The following DCHS2 variants were observed in gnomAD, a reference collection of about 807,000 sequenced individuals.
DCHS2 encodes protocadherin-23.
In DCHS2, 142 loss-of-function variants were observed where a neutral mutation model predicts 182.4. That is an observed-to-expected ratio of 0.78 (90% CI 0.68 to 0.89). The LOEUF (loss-of-function observed/expected upper bound fraction) is 0.89, where lower values mean the gene tolerates loss of function less well. Among genes scored for constraint, DCHS2 ranks in the 40% least tolerant of loss-of-function variants. The pLI is 0.00. For missense variants in DCHS2, 4,319 were observed against 4,198.6 expected, an observed-to-expected ratio of 1.03 and a Z score of -0.79; for synonymous variants, 1,740 against 1,663.3, an observed-to-expected ratio of 1.05 and a Z score of -1.12.
chr4:154,453,266 G>A (rs1267191788), intron 1 of DCHS2, among the ~76,000 whole-genome samples: 1 of 149,694 alleles, frequency 6.7e-6, no homozygotes, highest in South Asian at 2.2e-4. Flanking sequence ...ATGCGACACT[G>A]CTGGAGACAG....
At chr4:154,412,943 G>C (rs921110190) in intron 1 of DCHS2, among the ~76,000 whole-genome samples, 1 of 152,124 alleles carries the variant, frequency 6.6e-6, no homozygotes, top group Non-Finnish European at 1.5e-5. Flanking sequence ...TTGTTGAAAA[G>C]CACAGAAGTA....
chr4:154,234,702 A>C lies in DCHS2; in HGVS notation c.9950T>G (p.Leu3317Arg), dbSNP rs1304613868. 1.9e-6 allele frequency: 3 copies of C among 1,614,050 alleles called. No individual in the cohort carries two copies. The Admixed American group carries it at 5.0e-5, about 27-fold the overall frequency. ...AGTCATGCCTTCTGGCAGAGAACCA[A>C]GATGGTAGGGGATGGGAGAGCGTGG... ...KHPRSPIPYH[L>R]GSLPEGMTPN... The change falls in exon 20 of 20, where the codon CTT becomes CGT. Residue 3317 changes from leucine to arginine, a missense_variant. By Grantham distance (102) the Leu-to-Arg change is moderately radical. Transcript: ENST00000357232.
In DCHS2 at chr4:154,270,005, T is replaced by C. The variant is rs138200715; in HGVS notation, c.6472A>G (p.Ile2158Val). The C allele has an allele frequency of 1.3e-4, 203 of 1,595,454 alleles. 2 individuals carry two copies. The African/African-American group carries it at 2.4e-3, about 19-fold the overall frequency. ...GGAGCAAAAGCTTTAACAGTCACAA[T>C]AGAAGTACCTGTAAAAATTAGGTAA... ...VTENCEAGTSIVTVKAFAPDS... is the reference protein window; with the variant it reads ...VTENCEAGTSVVTVKAFAPDS... The change falls in exon 14 of 20, where the codon ATT (isoleucine) becomes GTT (valine). Residue 2158 changes from isoleucine (I) to valine (V), a missense_variant. Coordinates refer to ENST00000357232, the MANE Select transcript of DCHS2 (RefSeq NM_001358235.2).
At chr4:154,266,429 G>A (rs1015441233) in intron 14 of DCHS2, among the ~76,000 whole-genome samples, 1 of 152,108 alleles carries the variant, frequency 6.6e-6, no homozygotes, top group Admixed American at 6.6e-5. Context: ...GGGTGAAGCG[G>A]GTGGATCACG....
chr4:154,422,024 T>C (rs2896868), intron 1 of DCHS2, among the ~76,000 whole-genome samples: 126,485 of 152,150 alleles, frequency 0.83, 54,906 homozygotes, highest in Non-Finnish European at 0.95. Flanking sequence ...TTACTTCATG[T>C]TGGAAAGTTT....
At chr4:154,238,889 A>C (rs2111096344) in intron 19 of DCHS2, among the ~76,000 whole-genome samples, 1 of 152,230 alleles carries the variant, frequency 6.6e-6, no homozygotes, top group Admixed American at 6.5e-5. Context: ...GACGGATGCA[A>C]CTGGGTGTTT....
chr4:154,457,390 A>G (rs1734812360), intron 1 of DCHS2, among the ~76,000 whole-genome samples: 1 of 152,170 alleles, frequency 6.6e-6, no homozygotes, highest in African/African-American at 2.4e-5. Context: ...TCCTATTAAC[A>G]TGACACAAAT....
At chr4:154,322,768 A>G (rs924423387) in intron 7 of DCHS2, 8 of 326,622 alleles carry the variant, frequency 2.4e-5, no homozygotes, top group Non-Finnish European at 4.4e-5. Context: ...ATCTTATTTC[A>G]TCTATTCCCC....
In DCHS2 at chr4:154,333,116, G is replaced by A. The variant is rs183199511; in HGVS notation, c.3092C>T (p.Ala1031Val). 26 of 1,614,088 alleles carry A rather than the reference G, an allele frequency of 1.6e-5. No homozygotes were observed. The African/African-American group carries it at 3.3e-4, about 21-fold the overall frequency. ...PQPGVFAIDRALGVLFLNGSL... is the reference protein window; with the variant it reads ...PQPGVFAIDRVLGVLFLNGSL... Reference sequence around the variant, plus strand: ...GCCGTTGAGGAACAGCACCCCCAGGGCTCTGTCGATGGCAAAGACGCCTGG... The same window carrying A: ...GCCGTTGAGGAACAGCACCCCCAGGACTCTGTCGATGGCAAAGACGCCTGG... Residue 1031 changes from alanine (A) to valine (V), a missense_variant, in exon 5 of 20, where the codon GCC becomes GTC. Transcript: ENST00000357232.
chr4:154,373,366 G>A (rs1730731315), intron 2 of DCHS2, among the ~76,000 whole-genome samples: 1 of 152,184 alleles, frequency 6.6e-6, no homozygotes, highest in Admixed American at 6.5e-5. Context: ...AGAAATTCAT[G>A]AGGATTATGC....
At chr4:154,470,487 C>CAAAAA (rs11404069) in intron 1 of DCHS2, among the ~76,000 whole-genome samples, 4 of 143,318 alleles carry the variant, frequency 2.8e-5, no homozygotes, top group African/African-American at 1.0e-4. Flanking sequence ...GACCCTGTCT[C>CAAAAA]AAAAAAAAAA....
intron 7 of DCHS2, chr4:154,323,262 TTTG>T (rs1736148826): frequency 6.5e-7 from 1 of 1,550,368 alleles, no homozygotes; most frequent in Non-Finnish European, 8.7e-7. Context: ...TGTTTGTTTG[TTTG>T]TTTGTTTGTT....
In DCHS2 at chr4:154,240,838, AC is replaced by A. The variant is rs1731791018; in HGVS notation, c.7073-16del. On this transcript the variant is annotated splice_polypyrimidine_tract_variant and intron_variant, in intron 17 of 19. Coordinates refer to ENST00000357232, the MANE Select transcript of DCHS2 (RefSeq NM_001358235.2). ...AGGCAAAGAATCTGAAATAGTCATG[AC>A]CAGTGTCAGTCTCCATTAAAATTCA... 1.2e-6 allele frequency: 2 copies of A among 1,612,018 alleles called. No homozygotes were observed. Among genetic ancestry groups the A allele is most frequent in the East Asian group, 4.5e-5 (2 of 44,756 alleles).
chr4:154,281,033 G>A lies in DCHS2; in HGVS notation c.6464-11020C>T, dbSNP rs186862366. Among the ~76,000 whole-genome samples the A allele has an allele frequency of 1.6e-4, 24 of 152,010 alleles. No homozygotes were observed. The East Asian group carries it at 4.7e-3, about 30-fold the overall frequency. On this transcript the variant is annotated intron_variant, in intron 13 of 19. Transcript: ENST00000357232. ...GTGGAGACAATGTTTCACCATGTTG[G>A]CCAGGCTGGTCTTGAACTCCTGACC... is the stretch of plus-strand genomic sequence containing the variant.
At chr4:154,470,059 G>T (rs1237525878) in intron 1 of DCHS2, among the ~76,000 whole-genome samples, 1 of 152,166 alleles carries the variant, frequency 6.6e-6, no homozygotes, top group Non-Finnish European at 1.5e-5. Context: ...GTAGTGGGTG[G>T]TGAATAAACA....
At chr4:154,467,891 C>A (rs1735303005) in intron 1 of DCHS2, among the ~76,000 whole-genome samples, 1 of 152,124 alleles carries the variant, frequency 6.6e-6, no homozygotes, top group Admixed American at 6.6e-5. Flanking sequence ...TGAAATCATT[C>A]TGTCATATGT....
chr4:154,390,874 A>G (rs1731668191), intron 1 of DCHS2, among the ~76,000 whole-genome samples: 2 of 152,252 alleles, frequency 1.3e-5, no homozygotes, highest in South Asian at 4.1e-4. Context: ...GTATTCTTAC[A>G]GGTATCTGGA....
chr4:154,420,242 CAGACAGATAGAT>C (rs1733047959), intron 1 of DCHS2, among the ~76,000 whole-genome samples: 1 of 134,940 alleles, frequency 7.4e-6, no homozygotes, highest in African/African-American at 2.9e-5. Flanking sequence ...GGGAGACAGA[CAGACAGATAGAT>C]AGATAGATAG....
chr4:154,372,405 C>T (rs1317889150), intron 2 of DCHS2, among the ~76,000 whole-genome samples: 1 of 152,184 alleles, frequency 6.6e-6, no homozygotes, highest in African/African-American at 2.4e-5. Context: ...CAGTAGCCAA[C>T]TTTTCTCATG....
Sources: gnomAD v4.1 joint callset for allele counts (sites outside exome capture counted in the v4.1 genomes callset) on GRCh38, gnomAD v4.1.1 for gene constraint, MANE v1.5 for transcripts, NCBI Gene and HGNC (gene_info 2026-07-23, HGNC 2026-07-21) for gene names.